SLIT3: variants seen among roughly 807,000 people sequenced by gnomAD.
SLIT3 encodes the protein slit homolog 3 protein.
SLIT3 carries 68 observed loss-of-function variants against 184.0 expected under a neutral mutation model. The observed-to-expected ratio is 0.37, with a 90% CI of 0.30 to 0.45. SLIT3 has a LOEUF of 0.45. Ranked by LOEUF, SLIT3 falls within the 20% of genes least tolerant of loss-of-function variation. The pLI, the probability that SLIT3 is intolerant of heterozygous loss-of-function variation, is 1.00. For missense variants in SLIT3, 1,707 were observed against 2,026.0 expected, an observed-to-expected ratio of 0.84 and a Z score of 3.02; for synonymous variants, 831 against 828.6, an observed-to-expected ratio of 1.00 and a Z score of -0.05.
intron 3 of SLIT3, among the ~76,000 whole-genome samples, chr5:169,240,140 C>T (rs1163519523): frequency 6.6e-6 from 1 of 151,872 alleles, no homozygotes; most frequent in African/African-American, 2.4e-5. Flanking sequence ...CATATGATAT[C>T]CTTTGGTATT....
At chr5:169,084,453 G>GT (rs1759200463) in intron 4 of SLIT3, among the ~76,000 whole-genome samples, 1 of 121,544 alleles carries the variant, frequency 8.2e-6, no homozygotes. Context: ...ACCATGCCCA[G>GT]ATTTTTTTTT....
intron 4 of SLIT3, among the ~76,000 whole-genome samples, chr5:169,116,707 G>A (rs1046654604): frequency 6.6e-6 from 1 of 152,164 alleles, no homozygotes; most frequent in Admixed American, 6.5e-5. Context: ...TCAACAAAAG[G>A]TTGAGGTCTG....
At position 168,748,306 on chromosome 5, in the gene SLIT3, C is replaced by T. The variant is rs1313460054; in HGVS notation, c.2266G>A (p.Glu756Lys). 1.4e-6 allele frequency: 2 copies of T among 1,468,180 alleles called. No homozygotes were observed. Among genetic ancestry groups the T allele is most frequent in the Non-Finnish European group, 1.8e-6 (2 of 1,112,318 alleles). 90.9% of individuals were successfully genotyped at this position (1,468,180 alleles called of 1,614,324 possible). The change falls in exon 20 of 36, where the codon GAG (glutamate) becomes AAG (lysine). Residue 756 changes from glutamate (E) to lysine (K), a missense_variant. Physicochemically the swap from Glu to Lys is moderately conservative, Grantham distance 56. Around this residue, in one of 3 missense-constraint regions of SLIT3, gnomAD observed 1,307 missense variants for 1,511.6 expected, o/e 0.86. Transcript: ENST00000519560. ...GAGGCAGCTGGGGGTACTTACAGCT[C>T]GGTCACATCCTTGGGCATGCCTCTG... is the stretch of plus-strand genomic sequence containing the variant. ...LPRGMPKDVT[E>K]LYLEGNHLTA... is the part of the protein sequence containing the mutation.
intron 1 of SLIT3, among the ~76,000 whole-genome samples, chr5:169,274,469 T>G (rs1348724437): frequency 6.6e-6 from 1 of 152,182 alleles, no homozygotes; most frequent in Non-Finnish European, 1.5e-5. Context: ...TAAAATTCAC[T>G]AGTACAGTGC....
chr5:168,998,742 A>ACAAAAGAAAT (rs771607843), intron 4 of SLIT3, among the ~76,000 whole-genome samples: 4 of 151,900 alleles, frequency 2.6e-5, no homozygotes, highest in Non-Finnish European at 4.4e-5. Context: ...ACAAAACAAA[A>ACAAAAGAAAT]GGCCATTGAA....
At chr5:169,241,324 G>A (rs551277590) in intron 3 of SLIT3, among the ~76,000 whole-genome samples, 2 of 152,234 alleles carry the variant, frequency 1.3e-5, no homozygotes, top group African/African-American at 4.8e-5. Context: ...CAGTATTCTT[G>A]CATCGATTAC....
At chr5:168,782,386 C>T (rs1013849201) in intron 12 of SLIT3, among the ~76,000 whole-genome samples, 3 of 152,202 alleles carry the variant, frequency 2.0e-5, no homozygotes, top group Admixed American at 6.5e-5. Context: ...GGTGTAACAA[C>T]GCAGCTTGCA....
At chr5:168,750,404 C>T (rs1448702370) in intron 18 of SLIT3, among the ~76,000 whole-genome samples, 2 of 152,238 alleles carry the variant, frequency 1.3e-5, no homozygotes, top group Non-Finnish European at 2.9e-5. Flanking sequence ...TCTTCCTTTT[C>T]TCACATGAGG....
chr5:168,837,946 A>G (rs760003790), intron 6 of SLIT3, among the ~76,000 whole-genome samples: 1 of 152,216 alleles, frequency 6.6e-6, no homozygotes, highest in Non-Finnish European at 1.5e-5. Flanking sequence ...CCAAAGCTCA[A>G]CCATGGCTCT....
In SLIT3 at chr5:168,742,601, CAT is replaced by C. The variant is rs773084940; in HGVS notation, c.2270+5699_2270+5700del. Among the ~76,000 whole-genome samples the C allele has an allele frequency of 2.2e-4, 27 of 122,492 alleles. 3 individuals carry two copies. The highest frequency in any genetic ancestry group is 3.4e-4 in the Non-Finnish European group (20 of 59,628). 80.4% of individuals were successfully genotyped at this position (122,492 alleles called of 152,430 possible). A position where few individuals can be genotyped will look rare whatever the true frequency, so the allele number is the denominator to read the frequency against. The stretch of plus-strand genomic sequence containing the variant: ...ACTGGCCCCAAAATCCACTCAAAAA[CAT>C]AGAGGAGGAGTCATGACAGTGATAA... On this transcript the variant is annotated intron_variant, in intron 20 of 35. Transcript: ENST00000519560.
chr5:169,176,703 A>G (rs55750617), intron 4 of SLIT3, among the ~76,000 whole-genome samples: 4,625 of 152,282 alleles, frequency 0.03, 93 homozygotes, highest in South Asian at 0.096. Flanking sequence ...CTGTAGCACC[A>G]AAGGGGCCAT....
chr5:168,904,541 G>A (rs1175479714), intron 4 of SLIT3, among the ~76,000 whole-genome samples: 1 of 151,930 alleles, frequency 6.6e-6, no homozygotes, highest in Non-Finnish European at 1.5e-5. Flanking sequence ...TACTTATCAT[G>A]TGCTAGTATG....
intron 4 of SLIT3, among the ~76,000 whole-genome samples, chr5:169,108,115 T>C (rs1760285221): frequency 6.6e-6 from 1 of 152,222 alleles, no homozygotes; most frequent in African/African-American, 2.4e-5. Flanking sequence ...AGGCATCTGA[T>C]ACAGGTTTAA....
At chr5:168,861,329 C>A (rs1243126122) in intron 5 of SLIT3, among the ~76,000 whole-genome samples, 1 of 151,882 alleles carries the variant, frequency 6.6e-6, no homozygotes, top group African/African-American at 2.4e-5. Flanking sequence ...TCTTAAAGCC[C>A]TCTCTAGCTT....
chr5:169,238,140 T>C (rs535899427), intron 3 of SLIT3, among the ~76,000 whole-genome samples: 1 of 152,298 alleles, frequency 6.6e-6, no homozygotes, highest in African/African-American at 2.4e-5. Context: ...TGAAACTGGA[T>C]AGTGTAATTT....
chr5:168,850,189 T>C (rs1428723550), intron 5 of SLIT3, among the ~76,000 whole-genome samples: 9 of 152,198 alleles, frequency 5.9e-5, no homozygotes, highest in African/African-American at 2.2e-4. Flanking sequence ...AAACACTTGA[T>C]CTAAGCCACA....
intron 4 of SLIT3, among the ~76,000 whole-genome samples, chr5:168,972,073 C>T (rs188555196): frequency 5.2e-4 from 79 of 152,256 alleles, no homozygotes; most frequent in African/African-American, 1.9e-3. Context: ...GAGGAAGGTC[C>T]CTCTGGGGAG....
At chr5:168,815,518 T>C (rs1451012390) in intron 8 of SLIT3, among the ~76,000 whole-genome samples, 1 of 152,240 alleles carries the variant, frequency 6.6e-6, no homozygotes, top group Non-Finnish European at 1.5e-5. Flanking sequence ...TGCCGAATAA[T>C]TACTGTAATT....
At chr5:169,123,522 C>T (rs1025937945) in intron 4 of SLIT3, among the ~76,000 whole-genome samples, 7 of 152,172 alleles carry the variant, frequency 4.6e-5, no homozygotes, top group South Asian at 4.1e-4. Context: ...GACATCTCAA[C>T]TGGTTCAGCT....
Sources: allele counts gnomAD v4.1 joint callset (sites outside exome capture counted in the v4.1 genomes callset), GRCh38; gene constraint gnomAD v4.1.1; regional missense constraint gnomAD v4.1.1; transcripts MANE v1.5; gene names NCBI Gene and HGNC (gene_info 2026-07-23, HGNC 2026-07-21).